The following TMEM236 variants were observed in gnomAD, a reference collection of about 807,000 sequenced individuals.
TMEM236 encodes transmembrane protein 236.
In TMEM236, 11 loss-of-function variants were observed where a neutral mutation model predicts 14.7. The observed-to-expected ratio is 0.75, with a 90% CI of 0.47 to 1.24. TMEM236 has a LOEUF of 1.24. Among genes scored for constraint, TMEM236 ranks in the 50% most tolerant of loss-of-function variants. The pLI is 0.00. For synonymous variants in TMEM236, 182 were observed against 168.6 expected (o/e 1.08, Z -0.62); for missense variants, 464 against 427.3 (o/e 1.09, Z -0.76).
At position 17,800,086 on chromosome 10, in the gene TMEM236, G is replaced by C. The variant is rs1019138265; in HGVS notation, c.*3582G>C. The stretch of plus-strand genomic sequence containing the variant: ...TGGTGCAAAAGTAATTGAGGTTTTT[G>C]CCATTGAAAGTGGTGGTGCATGCCT... On this transcript the variant is annotated 3_prime_UTR_variant, in exon 4 of 4. Coordinates refer to ENST00000377495, the MANE Select transcript of TMEM236 (RefSeq NM_001098844.3). The C allele has an allele frequency of 1.1e-4, 16 of 151,886 alleles. No homozygotes were observed. The highest frequency in any genetic ancestry group is 3.6e-4 in the African/African-American group (15 of 41,452). The allele number at this position is 151,886 out of a possible 1,614,324, so 9.4% of individuals were successfully genotyped here. A position where few individuals can be genotyped will look rare whatever the true frequency, so the allele number is the denominator to read the frequency against.
chr10:17,767,461 A>T (rs1185115286), intron 1 of TMEM236, among the ~76,000 whole-genome samples: 2 of 152,214 alleles, frequency 1.3e-5, no homozygotes, highest in African/African-American at 4.8e-5. Context: ...CTCCATCTCA[A>T]AAAATATATA....
In TMEM236 at chr10:17,752,318, A is replaced by G; in HGVS notation, c.23A>G (p.Lys8Arg). ...AGGATGGCTTCTGGAAGGCTCATTA[A>G]GTTCGTGGTTTTTGAGCTCCTAGAG... MASGRLI[K>R]FVVFELLEFA... Residue 8 changes from lysine (K) to arginine (R), a missense_variant, in exon 1 of 4, where the codon AAG becomes AGG. By Grantham distance (26) the Lys-to-Arg change is conservative. Coordinates refer to ENST00000377495, the MANE Select transcript of TMEM236 (RefSeq NM_001098844.3). 6.2e-7 allele frequency: 1 copy of G among 1,613,848 alleles called. No homozygotes were observed. The highest frequency in any genetic ancestry group is 8.5e-7 in the Non-Finnish European group (1 of 1,179,840).
At chr10:17,789,076 G>C (rs1035434940) in intron 3 of TMEM236, among the ~76,000 whole-genome samples, 144 of 152,262 alleles carry the variant, frequency 9.5e-4, no homozygotes, top group African/African-American at 3.3e-3. Flanking sequence ...AGCTACCAAG[G>C]TGGTATCACT....
chr10:17,796,520 T>A lies in TMEM236; in HGVS notation c.*16T>A, dbSNP rs1838017884. The A allele has an allele frequency of 6.3e-7, 1 of 1,582,484 alleles. No homozygotes were observed. ...TCCATTTTAAAAAGGAAATGGGATC[T>A]AGTAAGGCCTCTTTGTGATACCTGT... On this transcript the variant is annotated 3_prime_UTR_variant, in exon 4 of 4. Transcript: ENST00000377495.
chr10:17,796,059 T>A lies in TMEM236; in HGVS notation c.611T>A (p.Met204Lys). ...CAGGTGTCGCAGCCATCAGGAGCCA[T>A]GACACGGAGCCAGGAGTCTGTGTTC... ...STQVSQPSGAMTRSQESVFMG... is the reference protein window; with the variant it reads ...STQVSQPSGAKTRSQESVFMG... Residue 204 changes from methionine (M) to lysine (K), a missense_variant, in exon 4 of 4, where the codon ATG (methionine) becomes AAG (lysine). Met to Lys is a moderately conservative substitution (Grantham distance 95). Coordinates refer to ENST00000377495, the MANE Select transcript of TMEM236 (RefSeq NM_001098844.3). 6.2e-7 allele frequency: 1 copy of A among 1,613,906 alleles called. No individual in the cohort carries two copies. The highest frequency in any genetic ancestry group is 8.5e-7 in the Non-Finnish European group (1 of 1,179,854).
intron 1 of TMEM236, among the ~76,000 whole-genome samples, chr10:17,760,345 AT>A (rs34005905): frequency 0.015 from 2,260 of 145,856 alleles, 51 homozygotes; most frequent in African/African-American, 0.049. Context: ...TGGTATGTCC[AT>A]TTTTTTTTTT....
intron 3 of TMEM236, among the ~76,000 whole-genome samples, chr10:17,783,233 A>C (rs1011888535): frequency 1.3e-5 from 2 of 152,190 alleles, no homozygotes; most frequent in Admixed American, 6.5e-5. Context: ...CACTGCCAGA[A>C]GAAAGTGACT....
intron 1 of TMEM236, among the ~76,000 whole-genome samples, chr10:17,763,449 C>T (rs2131743717): frequency 6.6e-6 from 1 of 152,162 alleles, no homozygotes; most frequent in Non-Finnish European, 1.5e-5. Context: ...AAAAGAAAAC[C>T]CTCAATGCTG....
chr10:17,765,659 A>G (rs2131745061), intron 1 of TMEM236, among the ~76,000 whole-genome samples: 1 of 152,326 alleles, frequency 6.6e-6, no homozygotes, highest in African/African-American at 2.4e-5. Flanking sequence ...TTCAAAAGCT[A>G]GGAAGGAAAA....
intron 3 of TMEM236, among the ~76,000 whole-genome samples, chr10:17,783,517 A>G (rs1284515441): frequency 4.6e-5 from 7 of 152,268 alleles, no homozygotes; most frequent in Admixed American, 6.5e-5. Context: ...CCCTCGTCCA[A>G]TGCCTTCTGT....
intron 1 of TMEM236, among the ~76,000 whole-genome samples, chr10:17,764,512 G>T (rs1157050102): frequency 1.6e-4 from 24 of 152,244 alleles, no homozygotes; most frequent in African/African-American, 5.5e-4. Context: ...TCTGTTATTT[G>T]TAGTACTTCC....
At chr10:17,775,896 G>A in intron 2 of TMEM236, 133 bp from the exon 3 acceptor site, 1 of 1,197,146 alleles carries the variant, frequency 8.4e-7, no homozygotes, top group Non-Finnish European at 1.2e-6. Context: ...AACCTGATGA[G>A]TTAAAAACCA....
chr10:17,772,034 T>C (rs1837581591), intron 2 of TMEM236, among the ~76,000 whole-genome samples: 1 of 152,220 alleles, frequency 6.6e-6, no homozygotes, highest in Non-Finnish European at 1.5e-5. Flanking sequence ...AATTACTTAA[T>C]TTACCTTGTG....
chr10:17,763,778 G>T (rs1464622329), intron 1 of TMEM236, among the ~76,000 whole-genome samples: 1 of 152,156 alleles, frequency 6.6e-6, no homozygotes, highest in Non-Finnish European at 1.5e-5. Context: ...CAGGTGGTGA[G>T]AAATGGGTTG....
chr10:17,778,905 T>C (rs1837700277), intron 3 of TMEM236, among the ~76,000 whole-genome samples: 12 of 152,200 alleles, frequency 7.9e-5, no homozygotes, highest in Admixed American at 7.9e-4. Context: ...ACTAACTTCG[T>C]ATTACCAGTG....
intron 3 of TMEM236, among the ~76,000 whole-genome samples, chr10:17,784,407 C>T (rs1300173177): frequency 2.6e-5 from 4 of 152,120 alleles, no homozygotes; most frequent in African/African-American, 4.8e-5. Flanking sequence ...ATATCAGTGC[C>T]AAGCACAGCT....
chr10:17,762,859 G>A (rs1837399026), intron 1 of TMEM236, among the ~76,000 whole-genome samples: 1 of 151,278 alleles, frequency 6.6e-6, no homozygotes. Flanking sequence ...TTGCTAGGTT[G>A]CCCGGCTGGT....
At chr10:17,788,152 A>G (rs2131763638) in intron 3 of TMEM236, among the ~76,000 whole-genome samples, 1 of 150,426 alleles carries the variant, frequency 6.6e-6, no homozygotes, top group East Asian at 1.9e-4. Flanking sequence ...ATTTATTTAT[A>G]TATTAGATAT....
At chr10:17,786,856 TGA>T (rs1837845142) in intron 3 of TMEM236, among the ~76,000 whole-genome samples, 1 of 152,214 alleles carries the variant, frequency 6.6e-6, no homozygotes, top group African/African-American at 2.4e-5. Context: ...TAGGTAAACC[TGA>T]CAGTAAATAA....
Sources: allele counts gnomAD v4.1 joint callset (sites outside exome capture counted in the v4.1 genomes callset), GRCh38; gene constraint gnomAD v4.1.1; transcripts MANE v1.5; gene names NCBI Gene and HGNC (gene_info 2026-07-23, HGNC 2026-07-21).